Variants in BCAS4 observed in about 807,000 individuals in gnomAD.
The protein encoded by BCAS4 is breast carcinoma amplified sequence 4.
Under a neutral mutation model 15.7 loss-of-function variants are expected in BCAS4, and 9 were observed. The observed-to-expected ratio is 0.57, with a 90% CI of 0.34 to 1.00. The LOEUF (loss-of-function observed/expected upper bound fraction) is 1.00. BCAS4 is among the 50% of genes least tolerant of loss of function. BCAS4 has a pLI of 0.02. For synonymous variants in BCAS4, 101 were observed against 99.5 expected (o/e 1.02, Z -0.09); for missense variants, 225 against 239.1 (o/e 0.94, Z 0.39).
chr20:50,848,497 GGAGAGA>G (rs1486282837), intron 4 of BCAS4, among the ~76,000 whole-genome samples: 1 of 152,224 alleles, frequency 6.6e-6, no homozygotes, highest in Non-Finnish European at 1.5e-5. Context: ...AGGGCAGAGT[GGAGAGA>G]GAGAAGGTCT....
chr20:50,850,790 C>CA (rs1208819966), intron 4 of BCAS4, among the ~76,000 whole-genome samples: 1 of 152,170 alleles, frequency 6.6e-6, no homozygotes, highest in Non-Finnish European at 1.5e-5. Flanking sequence ...GAGTCTCCCC[C>CA]CCGGTAGAGC....
chr20:50,799,018 C>T (rs1252536374), intron 1 of BCAS4, among the ~76,000 whole-genome samples: 3 of 152,128 alleles, frequency 2.0e-5, no homozygotes, highest in Non-Finnish European at 2.9e-5. Context: ...GGAGGCTCCA[C>T]GCTCCCCAAG....
intron 1 of BCAS4, among the ~76,000 whole-genome samples, 164 bp downstream of exon 1, chr20:50,795,337 A>C (rs752837883): frequency 6.6e-5 from 10 of 151,978 alleles, no homozygotes; most frequent in Non-Finnish European, 1.3e-4. Context: ...AGAGATGTGC[A>C]GCGGGTCGTC....
chr20:50,845,949 C>T (rs912194188), intron 4 of BCAS4, among the ~76,000 whole-genome samples: 2 of 152,316 alleles, frequency 1.3e-5, no homozygotes, highest in East Asian at 1.9e-4. Flanking sequence ...TGGGCTGGCC[C>T]GAGGGGTCCG....
In BCAS4 at chr20:50,838,822, C is replaced by T. The variant is rs149341004; in HGVS notation, c.265-2944C>T. 6.6e-3 allele frequency among the ~76,000 whole-genome samples: 997 copies of T among 152,012 alleles called. 9 individuals carry two copies. The highest frequency in any genetic ancestry group is 0.023 in the African/African-American group (955 of 41,440). Reference sequence around the variant, plus strand: ...TCACGCTATTGCACTCCAGCCTGGGCGACAGAGTGAGACTCCATCTTAAAA... The same window carrying T: ...TCACGCTATTGCACTCCAGCCTGGGTGACAGAGTGAGACTCCATCTTAAAA... On this transcript the variant is annotated intron_variant, in intron 3 of 4. Coordinates refer to ENST00000371608, the MANE Select transcript of BCAS4 (RefSeq NM_198799.4).
chr20:50,820,059 T>A, intron 2 of BCAS4, among the ~76,000 whole-genome samples: 1 of 99,548 alleles, frequency 1.0e-5, no homozygotes, highest in Admixed American at 9.9e-5. Context: ...ACCAGGCTGG[T>A]CTTGAACTGC....
intron 3 of BCAS4, among the ~76,000 whole-genome samples, chr20:50,833,217 A>T (rs1177597848): frequency 1.3e-5 from 2 of 152,132 alleles, no homozygotes; most frequent in Non-Finnish European, 2.9e-5. Flanking sequence ...CTGGGAAGCC[A>T]GGTATTGGGG....
chr20:50,829,245 A>AT lies in BCAS4; in HGVS notation c.163-1026dup, dbSNP rs963260560. ...AGATTCAGTTGCTCCCCAGAATTTT[A>AT]TTTTTTTTCTTTTTTGAGATGGAGT... is the stretch of plus-strand genomic sequence containing the variant. On this transcript the variant is annotated intron_variant, in intron 2 of 4. Coordinates refer to ENST00000371608, the MANE Select transcript of BCAS4 (RefSeq NM_198799.4). 2.6e-5 allele frequency among the ~76,000 whole-genome samples: 4 copies of AT among 151,424 alleles called. No homozygotes were observed. In the South Asian group the frequency reaches 8.3e-4, roughly 32 times the overall value.
chr20:50,795,189 G>A lies in BCAS4; in HGVS notation c.90+16G>A. 1 of 1,405,750 alleles carries A rather than the reference G, an allele frequency of 7.1e-7. No individual in the cohort carries two copies. The highest frequency in any genetic ancestry group is 9.3e-7 in the Non-Finnish European group (1 of 1,069,966). 87.1% of individuals were successfully genotyped at this position (1,405,750 alleles called of 1,614,324 possible). A position where few individuals can be genotyped will look rare whatever the true frequency, so the allele number is the denominator to read the frequency against. ...TGGGGCCGAGGTAGGGGACGGGGCT[G>A]TGGAGTTGGAGGAGAGGGTTCTCGC... On this transcript the variant is annotated intron_variant, in intron 1 of 4. Coordinates refer to ENST00000371608, the MANE Select transcript of BCAS4 (RefSeq NM_198799.4).
intron 4 of BCAS4, among the ~76,000 whole-genome samples, chr20:50,859,865 C>T (rs932692386): frequency 9.9e-5 from 15 of 152,258 alleles, no homozygotes; most frequent in African/African-American, 3.4e-4. Context: ...AGAGGCCGGA[C>T]GCGGTGGCTC....
intron 4 of BCAS4, among the ~76,000 whole-genome samples, chr20:50,872,552 C>T (rs1979705198): frequency 6.9e-6 from 1 of 145,100 alleles, no homozygotes; most frequent in Non-Finnish European, 1.5e-5. Flanking sequence ...GCCTGGGCGA[C>T]AGAGCGAGAC....
chr20:50,830,234 C>A, intron 2 of BCAS4, 45 bp from the exon 3 acceptor site: 1 of 1,523,860 alleles, frequency 6.6e-7, no homozygotes, highest in Non-Finnish European at 9.1e-7. Flanking sequence ...CAGGAGGACA[C>A]AGTGATGGGG....
At chr20:50,868,350 G>A (rs151230892) in intron 4 of BCAS4, among the ~76,000 whole-genome samples, 1,769 of 152,344 alleles carry the variant, frequency 0.012, 16 homozygotes, top group Admixed American at 0.017. Context: ...GTTTTGGAAC[G>A]ATTTTGAGAT....
chr20:50,868,486 A>C (rs1432217073), intron 4 of BCAS4, among the ~76,000 whole-genome samples: 1 of 152,176 alleles, frequency 6.6e-6, no homozygotes, highest in Non-Finnish European at 1.5e-5. Context: ...GCAGTGGCAC[A>C]ATCACGGCTC....
chr20:50,799,426 C>G (rs2087902191), intron 1 of BCAS4, among the ~76,000 whole-genome samples: 1 of 152,200 alleles, frequency 6.6e-6, no homozygotes. Context: ...GCAGCCTCCA[C>G]TTTTAAAGCT....
At chr20:50,854,774 C>T (rs1317332241) in intron 4 of BCAS4, among the ~76,000 whole-genome samples, 4 of 152,214 alleles carry the variant, frequency 2.6e-5, no homozygotes, top group East Asian at 1.9e-4. Flanking sequence ...CCCCACCATG[C>T]GGCACCGTAG....
At chr20:50,836,048 G>T (rs934454681) in intron 3 of BCAS4, among the ~76,000 whole-genome samples, 1 of 152,024 alleles carries the variant, frequency 6.6e-6, no homozygotes, top group Non-Finnish European at 1.5e-5. Flanking sequence ...CTCCTGAGTA[G>T]CTGGGATTAC....
intron 4 of BCAS4, among the ~76,000 whole-genome samples, 172 bp from the exon 5 acceptor site, chr20:50,876,314 T>C (rs1177217825): frequency 6.7e-6 from 1 of 150,044 alleles, no homozygotes; most frequent in African/African-American, 2.5e-5. Flanking sequence ...ATGGATGCCT[T>C]GGTCCCTTTG....
At chr20:50,862,233 T>G (rs887608191) in intron 4 of BCAS4, among the ~76,000 whole-genome samples, 1 of 152,146 alleles carries the variant, frequency 6.6e-6, no homozygotes, top group African/African-American at 2.4e-5. Flanking sequence ...CTCTGGATTC[T>G]GCCCTCTTGT....
Sources: allele counts gnomAD v4.1 joint callset (sites outside exome capture counted in the v4.1 genomes callset), GRCh38; gene constraint gnomAD v4.1.1; transcripts MANE v1.5; gene names NCBI Gene and HGNC (gene_info 2026-07-23, HGNC 2026-07-21).